GLYATL2: variants seen among roughly 807,000 people sequenced by gnomAD.
GLYATL2 encodes the protein glycine-N-acyltransferase like 2.
A neutral mutation model predicts 21.4 loss-of-function variants in GLYATL2; 25 were observed. The ratio of observed to expected loss-of-function variants is 1.17; its 90% CI spans 0.85 to 1.63. The LOEUF is 1.63. Among genes scored for constraint, GLYATL2 ranks in the 40% most tolerant of loss-of-function variants. The pLI is 0.00. For synonymous variants in GLYATL2, 114 were observed against 118.2 expected, an observed-to-expected ratio of 0.96 and a Z score of 0.23; for missense variants, 361 against 343.3, an observed-to-expected ratio of 1.05 and a Z score of -0.41.
intron 1 of GLYATL2, among the ~76,000 whole-genome samples, chr11:58,868,957 A>G (rs1854067006): frequency 6.7e-6 from 1 of 148,942 alleles, no homozygotes; most frequent in Non-Finnish European, 1.5e-5. Flanking sequence ...TTGTTTCAGT[A>G]TGGACACTCT....
chr11:58,858,196 A>C (rs1392185851), intron 1 of GLYATL2, among the ~76,000 whole-genome samples: 1 of 152,062 alleles, frequency 6.6e-6, no homozygotes, highest in Non-Finnish European at 1.5e-5. Context: ...GGGGAAAAAA[A>C]CTCCACAAAG....
At chr11:58,898,669 A>G (rs1854677390) in intron 1 of GLYATL2, among the ~76,000 whole-genome samples, 1 of 151,868 alleles carries the variant, frequency 6.6e-6, no homozygotes, top group African/African-American at 2.4e-5. Flanking sequence ...CCCCGCCTCT[A>G]CTAAAAATAC....
chr11:58,834,301 G>A lies in GLYATL2; in HGVS notation c.*128C>T. 1 of 677,126 alleles carries A rather than the reference G, an allele frequency of 1.5e-6. No homozygotes were observed. Among genetic ancestry groups the A allele is most frequent in the South Asian group, 2.5e-5 (1 of 39,770 alleles). The allele number at this position is 677,126 out of a possible 1,614,324, so 41.9% of individuals were successfully genotyped here. A position where few individuals can be genotyped will look rare whatever the true frequency, so the allele number is the denominator to read the frequency against. On this transcript the variant is annotated 3_prime_UTR_variant, in exon 6 of 6. Transcript: ENST00000287275. ...GAGAAGGAAGGTAAAACTGTTAAGGGTGAGCTTAAGTAATACACAGATCCT... is the reference window on the plus strand; with the variant it reads ...GAGAAGGAAGGTAAAACTGTTAAGGATGAGCTTAAGTAATACACAGATCCT...
In GLYATL2 at chr11:58,880,735, A is replaced by T. The variant is rs143781065; in HGVS notation, n.60+23421T>A. The stretch of plus-strand genomic sequence containing the variant: ...GGGGATAGACTCATGTCAGAGATCC[A>T]GTTCTATTTACTAAAATTTCCTTGA... On this transcript the variant is annotated intron_variant and non_coding_transcript_variant, in intron 1 of 4. Transcript: ENST00000533636. 6.9e-3 allele frequency among the ~76,000 whole-genome samples: 1,054 copies of T among 152,324 alleles called. 11 individuals are homozygous for T. The highest frequency in any genetic ancestry group is 0.024 in the African/African-American group (1,007 of 41,576).
chr11:58,872,558 T>C (rs1458519883), intron 1 of GLYATL2, among the ~76,000 whole-genome samples: 1 of 152,268 alleles, frequency 6.6e-6, no homozygotes, highest in Non-Finnish European at 1.5e-5. Context: ...TCCCCATTGC[T>C]TGTTCTTGTC....
chr11:58,837,897 T>G (rs1342657463), intron 3 of GLYATL2, among the ~76,000 whole-genome samples: 1 of 152,194 alleles, frequency 6.6e-6, no homozygotes, highest in Non-Finnish European at 1.5e-5. Flanking sequence ...TGCCTCCATA[T>G]GCCTGCCTAC....
rs1462606289 is a variant in GLYATL2, at chr11:58,839,584, A to T, written c.29T>A (p.Leu10Gln). 1.2e-6 allele frequency: 2 copies of T among 1,611,770 alleles called. No individual in the cohort carries two copies. Among genetic ancestry groups the T allele is most frequent in the Admixed American group, 1.7e-5 (1 of 59,878 alleles). MLVLHNSQK[L>Q]QILYKSLEKS... The stretch of plus-strand genomic sequence containing the variant: ...TTCTAAGGATTTATACAGAATCTGC[A>T]GCTTCTGAGAGTTATGAAGCACAAG... The change falls in exon 2 of 6, where the codon CTG becomes CAG. Residue 10 changes from leucine to glutamine, a missense_variant. Transcript: ENST00000287275.
chr11:58,877,588 T>C (rs888297741), intron 1 of GLYATL2, among the ~76,000 whole-genome samples: 4 of 152,162 alleles, frequency 2.6e-5, no homozygotes, highest in African/African-American at 4.8e-5. Context: ...CAAGTGAAGT[T>C]AAAGGAAAAC....
rs1854286819 is a variant in GLYATL2, at chr11:58,879,020, GCATGTAAACAAT to G, written n.60+25124_60+25135del. Among the ~76,000 whole-genome samples the G allele has an allele frequency of 1.4e-4, 21 of 152,282 alleles. 2 individuals carry two copies. In the South Asian group the frequency reaches 4.3e-3, roughly 32 times the overall value. ...TGATGGCTGTGGGTGACAGGATTAG[GCATGTAAACAAT>G]CATGGGACATGGGGAGGTTTTTCCT... On this transcript the variant is annotated intron_variant and non_coding_transcript_variant, in intron 1 of 4. Transcript: ENST00000533636.
chr11:58,870,590 A>C (rs2134602144), intron 1 of GLYATL2, among the ~76,000 whole-genome samples: 1 of 152,322 alleles, frequency 6.6e-6, no homozygotes, highest in African/African-American at 2.4e-5. Context: ...AGCATCTAAA[A>C]GTTTACCCTA....
At chr11:58,843,873 G>C (rs1853596221) in intron 1 of GLYATL2, among the ~76,000 whole-genome samples, 1 of 152,120 alleles carries the variant, frequency 6.6e-6, no homozygotes, top group Admixed American at 6.5e-5. Flanking sequence ...GAAGGGAATG[G>C]GAGTTTCAGG....
chr11:58,860,826 T>C (rs1432777233), intron 1 of GLYATL2, among the ~76,000 whole-genome samples: 2 of 152,102 alleles, frequency 1.3e-5, no homozygotes, highest in East Asian at 3.8e-4. Context: ...GTGAGCTTTA[T>C]CAAATGCTTT....
chr11:58,838,379 A>G lies in GLYATL2; in HGVS notation c.79-11T>C, dbSNP rs775609139. 2.6e-6 allele frequency: 4 copies of G among 1,539,748 alleles called. No homozygotes were observed. The East Asian group carries it at 6.7e-5, about 26-fold the overall frequency. On this transcript the variant is annotated splice_polypyrimidine_tract_variant and intron_variant, in intron 2 of 5. Transcript: ENST00000287275. Reference sequence around the variant, plus strand: ...AATGGCGCCATATACCTACGATGCAACAGAACAAAGCAGGAGAGGATGAAG... The same window carrying G: ...AATGGCGCCATATACCTACGATGCAGCAGAACAAAGCAGGAGAGGATGAAG...
At position 58,865,410 on chromosome 11, in the gene GLYATL2, GT is replaced by G. The variant is rs374388632; in HGVS notation, n.61-27043del. On this transcript the variant is annotated intron_variant and non_coding_transcript_variant, in intron 1 of 4. Coordinates refer to the GLYATL2 transcript ENST00000533636. ...AGTACCAGGCTAGAAGGAGAGAAAAGTTTCCAGATCAAATATTTGTGTAAAC... is the reference window on the plus strand; with the variant it reads ...AGTACCAGGCTAGAAGGAGAGAAAAGTTCCAGATCAAATATTTGTGTAAAC... Among the ~76,000 whole-genome samples, 14 of 149,234 alleles carry G rather than the reference GT, an allele frequency of 9.4e-5. 1 individual carries two copies. In the East Asian group the frequency reaches 2.4e-3, roughly 26 times the overall value.
At chr11:58,890,176 A>G (rs1590750520) in intron 1 of GLYATL2, among the ~76,000 whole-genome samples, 1 of 152,136 alleles carries the variant, frequency 6.6e-6, no homozygotes, top group Non-Finnish European at 1.5e-5. Flanking sequence ...CTTAGTTCCC[A>G]GTTATGAGTG....
intron 3 of GLYATL2, among the ~76,000 whole-genome samples, chr11:58,837,990 G>T (rs1853470540): frequency 6.6e-6 from 1 of 152,126 alleles, no homozygotes; most frequent in Non-Finnish European, 1.5e-5. Context: ...AGTCTAGGTT[G>T]GGATGTATTC....
At chr11:58,863,591 C>T (rs1444584127) in intron 1 of GLYATL2, among the ~76,000 whole-genome samples, 1 of 152,130 alleles carries the variant, frequency 6.6e-6, no homozygotes, top group Non-Finnish European at 1.5e-5. Context: ...TGGCCTAGGG[C>T]TGGGATGGGG....
rs533795759 is a variant in GLYATL2 at position 58,871,662 on chromosome 11, T to C, written n.60+32494A>G. On this transcript the variant is annotated intron_variant and non_coding_transcript_variant, in intron 1 of 4. Coordinates refer to the GLYATL2 transcript ENST00000533636. ...TATTCCATGGTGTATATGTGCCACA[T>C]TTTCTTAATCCAGTCTATCATTGAT... 1.8e-3 allele frequency among the ~76,000 whole-genome samples: 281 copies of C among 152,282 alleles called. 1 individual carries two copies. The highest frequency in any genetic ancestry group is 3.1e-3 in the Non-Finnish European group (211 of 68,024).
intron 1 of GLYATL2, among the ~76,000 whole-genome samples, chr11:58,880,839 G>A (rs1163464104): frequency 5.9e-5 from 9 of 152,322 alleles, no homozygotes; most frequent in Non-Finnish European, 8.8e-5. Context: ...GCTACAGAAC[G>A]TAGTTTAACT....
Sources: gnomAD v4.1 joint callset for allele counts (sites outside exome capture counted in the v4.1 genomes callset) on GRCh38, gnomAD v4.1.1 for gene constraint, MANE v1.5 for transcripts, NCBI Gene and HGNC (gene_info 2026-07-23, HGNC 2026-07-21) for gene names.